ABCB7: variants seen among roughly 807,000 people sequenced by gnomAD.
ABCB7 encodes the protein iron-sulfur clusters transporter ABCB7, mitochondrial.
Under a neutral mutation model 54.4 loss-of-function variants are expected in ABCB7, and 7 were observed. The ratio of observed to expected loss-of-function variants is 0.13; its 90% CI spans 0.07 to 0.24. The LOEUF (loss-of-function observed/expected upper bound fraction) is 0.24. ABCB7 is among the 10% of genes least tolerant of loss of function. The pLI is 1.00. For synonymous variants in ABCB7, 218 were observed against 207.1 expected (o/e 1.05, Z -0.45); for missense variants, 356 against 570.4 (o/e 0.62, Z 3.83).
chrX:75,066,209 T>C (rs898462978), intron 12 of ABCB7, among the ~76,000 whole-genome samples: 1 of 111,458 alleles, frequency 9.0e-6, no homozygotes, highest in African/African-American at 3.2e-5. Flanking sequence ...CTCTAAACGG[T>C]TGGAAGGCTA....
At chrX:75,112,787 T>C in intron 3 of ABCB7, 99 bp downstream of exon 3, 1 of 661,053 alleles carries the variant, frequency 1.5e-6, no homozygotes, top group Non-Finnish European at 2.5e-6. Flanking sequence ...GTTAGATGAG[T>C]CAATCAAAAT....
chrX:75,114,589 TTC>T (rs763121180), intron 2 of ABCB7, among the ~76,000 whole-genome samples, 163 bp downstream of exon 2: 49 of 112,540 alleles, frequency 4.4e-4, no homozygotes, highest in African/African-American at 1.5e-3. Flanking sequence ...ACATCAAGAC[TTC>T]TCTCTGCATT....
chrX:75,063,293 G>A (rs765918339), intron 13 of ABCB7, among the ~76,000 whole-genome samples: 1 of 111,127 alleles, frequency 9.0e-6, no homozygotes, highest in East Asian at 2.8e-4. Context: ...AACTATAGTT[G>A]GAAGTACAGA....
At chrX:75,126,594 CA>C (rs954310103) in intron 1 of ABCB7, among the ~76,000 whole-genome samples, 14 of 102,570 alleles carry the variant, frequency 1.4e-4, no homozygotes, top group East Asian at 3.0e-4. Flanking sequence ...AAAAATGCTT[CA>C]AAAAAAAAAT....
intron 1 of ABCB7, among the ~76,000 whole-genome samples, chrX:75,151,511 T>A (rs2082131877): frequency 1.8e-5 from 2 of 111,795 alleles, no homozygotes; most frequent in South Asian, 7.4e-4. Context: ...CTCTTAGATA[T>A]ACAAATATGA....
chrX:75,124,268 T>A (rs6647638), intron 1 of ABCB7, among the ~76,000 whole-genome samples: 1 of 110,591 alleles, frequency 9.0e-6, no homozygotes, highest in South Asian at 3.8e-4. Context: ...CTACCTCTAA[T>A]AGTTTTTCCT....
At chrX:75,145,688 G>C (rs2082085573) in intron 1 of ABCB7, among the ~76,000 whole-genome samples, 1 of 111,792 alleles carries the variant, frequency 8.9e-6, no homozygotes, top group African/African-American at 3.3e-5. Context: ...AGACAAGGAT[G>C]CCCTCTCTCA....
chrX:75,117,979 A>C (rs945793266), intron 1 of ABCB7, among the ~76,000 whole-genome samples: 12 of 112,520 alleles, frequency 1.1e-4, no homozygotes, highest in Non-Finnish European at 1.9e-4. Context: ...AATTCTGATT[A>C]ATTGGAAAAA....
intron 1 of ABCB7, among the ~76,000 whole-genome samples, chrX:75,129,684 T>G (rs1295948534): frequency 1.8e-5 from 2 of 109,090 alleles, no homozygotes; most frequent in Non-Finnish European, 3.8e-5. Flanking sequence ...AGTTTACCCC[T>G]AAAGATGCTT....
rs960859507 is a variant in ABCB7 at position 75,051,417 on chromosome X, T to G, written c.*1953A>C. ...CTTAAAACTATAAACCAATAAAATATTAGGACCTTTTCTGAGAAATAAAAC... is the reference window on the plus strand; with the variant it reads ...CTTAAAACTATAAACCAATAAAATAGTAGGACCTTTTCTGAGAAATAAAAC... On this transcript the variant is annotated 3_prime_UTR_variant, in exon 16 of 16. Transcript: ENST00000373394. The G allele has an allele frequency of 4.5e-5, 5 of 111,715 alleles. No homozygotes were observed. Among genetic ancestry groups the G allele is most frequent in the Admixed American group, 2.8e-4 (3 of 10,534 alleles). The allele number at this position is 111,715 out of a possible 1,213,427, so 9.2% of individuals were successfully genotyped here. A position where few individuals can be genotyped will look rare whatever the true frequency, so the allele number is the denominator to read the frequency against.
chrX:75,073,392 CATT>C (rs2081380714), intron 8 of ABCB7, among the ~76,000 whole-genome samples: 1 of 111,100 alleles, frequency 9.0e-6, no homozygotes, highest in African/African-American at 3.3e-5. Flanking sequence ...TTTTCAGTTC[CATT>C]ATTATCTTAT....
intron 3 of ABCB7, among the ~76,000 whole-genome samples, chrX:75,104,111 A>G (rs1258945859): frequency 1.6e-5 from 1 of 61,774 alleles, no homozygotes; most frequent in Non-Finnish European, 2.9e-5. Flanking sequence ...ACTCTTCCCT[A>G]TTCGGTATGT....
intron 1 of ABCB7, among the ~76,000 whole-genome samples, chrX:75,148,552 C>T (rs1054125535): frequency 9.0e-6 from 1 of 111,082 alleles, no homozygotes; most frequent in Non-Finnish European, 1.9e-5. Flanking sequence ...ACCTCTAATA[C>T]TTCAGAATGT....
chrX:75,107,306 AG>A, intron 3 of ABCB7, among the ~76,000 whole-genome samples: 1 of 111,386 alleles, frequency 9.0e-6, no homozygotes, highest in Non-Finnish European at 1.9e-5. Context: ...GGTGAGCCCT[AG>A]TACCGAACTG....
chrX:75,057,763 C>A (rs1378077859), intron 15 of ABCB7, among the ~76,000 whole-genome samples: 1 of 97,280 alleles, frequency 1.0e-5, no homozygotes, highest in African/African-American at 3.6e-5. Context: ...ATACAAATAT[C>A]TTTTTTTTTT....
chrX:75,108,454 C>T (rs904279337), intron 3 of ABCB7, among the ~76,000 whole-genome samples: 1 of 110,954 alleles, frequency 9.0e-6, no homozygotes, highest in Non-Finnish European at 1.9e-5. Context: ...TACAACATGC[C>T]TCAAATTTAC....
intron 1 of ABCB7, among the ~76,000 whole-genome samples, chrX:75,153,310 T>A (rs1377411306): frequency 9.0e-6 from 1 of 111,257 alleles, no homozygotes. Flanking sequence ...AGTTCTGTTT[T>A]CTATTCTTTT....
chrX:75,148,480 C>T (rs969744224), intron 1 of ABCB7, among the ~76,000 whole-genome samples: 2 of 109,264 alleles, frequency 1.8e-5, no homozygotes, highest in Non-Finnish European at 3.8e-5. Flanking sequence ...AACACATACA[C>T]ACATTGTTAT....
intron 1 of ABCB7, among the ~76,000 whole-genome samples, chrX:75,138,737 G>A (rs2082033260): frequency 9.0e-6 from 1 of 111,399 alleles, no homozygotes; most frequent in African/African-American, 3.3e-5. Context: ...GAGGCCAGGC[G>A]CAGTGGCTCA....
Sources: gnomAD v4.1 joint callset for allele counts (sites outside exome capture counted in the v4.1 genomes callset) on GRCh38, gnomAD v4.1.1 for gene constraint, MANE v1.5 for transcripts, NCBI Gene and HGNC (gene_info 2026-07-23, HGNC 2026-07-21) for gene names.